LDLRAD3: variants seen among roughly 807,000 people sequenced by gnomAD.
The protein encoded by LDLRAD3 is low density lipoprotein receptor class A domain containing 3, also known as low-density lipoprotein receptor class A domain-containing protein 3.
In LDLRAD3, 20 loss-of-function variants were observed where a neutral mutation model predicts 29.4. That is an observed-to-expected ratio of 0.68 (90% CI 0.48 to 0.99). LDLRAD3 has a LOEUF of 0.99. Among genes scored for constraint, LDLRAD3 ranks in the 50% least tolerant of loss-of-function variants. The pLI is 0.00. For missense variants in LDLRAD3, 420 were observed against 454.3 expected, an observed-to-expected ratio of 0.92 and a Z score of 0.69; for synonymous variants, 157 against 192.7, an observed-to-expected ratio of 0.81 and a Z score of 1.53.
intron 4 of LDLRAD3, among the ~76,000 whole-genome samples, chr11:36,170,038 G>A (rs1219122280): frequency 6.6e-6 from 1 of 151,658 alleles, no homozygotes; most frequent in Non-Finnish European, 1.5e-5. Flanking sequence ...TCCCTCTCTG[G>A]ATCCCCAGAG....
intron 2 of LDLRAD3, among the ~76,000 whole-genome samples, chr11:36,068,446 G>A (rs1852833468): frequency 6.6e-6 from 1 of 152,148 alleles, no homozygotes; most frequent in Non-Finnish European, 1.5e-5. Flanking sequence ...GGACGCTGAG[G>A]CTGAGGGAAG....
chr11:36,095,677 A>G (rs1319091834), intron 3 of LDLRAD3, among the ~76,000 whole-genome samples: 1 of 152,210 alleles, frequency 6.6e-6, no homozygotes, highest in Non-Finnish European at 1.5e-5. Flanking sequence ...TGAGAGGTTG[A>G]AAGGGTCTAA....
rs1851028710 is a variant in LDLRAD3, at chr11:35,944,357, CG to C, written c.46+216del. ...CGTCCTATTGTGTGGGCGTGCGCGCCGGGTCGTGTTGTGCTGTGTGCGCGGG... is the reference window on the plus strand; with the variant it reads ...CGTCCTATTGTGTGGGCGTGCGCGCCGGTCGTGTTGTGCTGTGTGCGCGGG... On this transcript the variant is annotated intron_variant, in intron 1 of 5. Coordinates refer to ENST00000315571, the MANE Select transcript of LDLRAD3 (RefSeq NM_174902.4). This position sits in a 1 kb window ranked among gnomAD's most constrained non-coding sequence, Gnocchi z 4.9. 6.6e-6 allele frequency among the ~76,000 whole-genome samples: 1 copy of C among 151,846 alleles called. No individual in the cohort carries two copies. The highest frequency in any genetic ancestry group is 2.4e-5 in the African/African-American group (1 of 41,388).
At chr11:36,106,644 G>A (rs1853532785) in intron 4 of LDLRAD3, among the ~76,000 whole-genome samples, 1 of 152,158 alleles carries the variant, frequency 6.6e-6, no homozygotes, top group Admixed American at 6.5e-5. Context: ...TCCTGCATCC[G>A]TGATGACCAG....
intron 4 of LDLRAD3, among the ~76,000 whole-genome samples, chr11:36,122,165 G>A (rs923103531): frequency 6.6e-6 from 1 of 152,108 alleles, no homozygotes; most frequent in African/African-American, 2.4e-5. Context: ...TTTACCTGAG[G>A]TTCTTAGTTT....
At chr11:36,220,781 G>C (rs1855416054) in intron 4 of LDLRAD3, among the ~76,000 whole-genome samples, 1 of 152,122 alleles carries the variant, frequency 6.6e-6, no homozygotes, top group African/African-American at 2.4e-5. Context: ...CCTTTCGTGG[G>C]GATGGAAAGG....
At chr11:35,971,280 T>G (rs1346563178) in intron 1 of LDLRAD3, among the ~76,000 whole-genome samples, 5 of 152,084 alleles carry the variant, frequency 3.3e-5, no homozygotes, top group African/African-American at 4.8e-5. Context: ...AGTGAAAGAT[T>G]TTATTGAGGG....
intron 1 of LDLRAD3, among the ~76,000 whole-genome samples, chr11:35,978,777 A>G (rs895993503): frequency 1.2e-4 from 18 of 152,224 alleles, no homozygotes; most frequent in Non-Finnish European, 2.5e-4. Context: ...AAACACCTGC[A>G]TTCAGAGTTG....
chr11:36,158,105 CTA>C (rs1854380841), intron 4 of LDLRAD3, among the ~76,000 whole-genome samples: 1 of 152,158 alleles, frequency 6.6e-6, no homozygotes, highest in Admixed American at 6.5e-5. Context: ...CCCTGACCCA[CTA>C]TGTTAGTTTC....
At chr11:36,022,746 G>A (rs1852113495) in intron 1 of LDLRAD3, among the ~76,000 whole-genome samples, 2 of 152,172 alleles carry the variant, frequency 1.3e-5, no homozygotes, top group East Asian at 3.8e-4. Context: ...TTTCTGGAAG[G>A]TCATAAGCTA....
At chr11:36,137,512 T>G (rs529624848) in intron 4 of LDLRAD3, among the ~76,000 whole-genome samples, 1 of 152,328 alleles carries the variant, frequency 6.6e-6, no homozygotes, top group South Asian at 2.1e-4. Flanking sequence ...GCAGTCCTAA[T>G]GGAAACAGTG....
intron 2 of LDLRAD3, among the ~76,000 whole-genome samples, chr11:36,046,730 G>A (rs1289010553): frequency 1.3e-5 from 2 of 152,134 alleles, no homozygotes; most frequent in African/African-American, 4.8e-5. Context: ...GGAGGCCTTT[G>A]CAAACTTAGC....
intron 4 of LDLRAD3, among the ~76,000 whole-genome samples, chr11:36,118,512 TGA>T (rs61505915): frequency 2.0e-5 from 3 of 148,560 alleles, no homozygotes; most frequent in African/African-American, 7.4e-5. Context: ...TGTGTGTGTG[TGA>T]GAGAGAGAGA....
At chr11:36,017,277 CT>C (rs1301734511) in intron 1 of LDLRAD3, among the ~76,000 whole-genome samples, 1 of 152,182 alleles carries the variant, frequency 6.6e-6, no homozygotes. Flanking sequence ...TCTGGTGAAG[CT>C]TTCTGGGGCA....
intron 4 of LDLRAD3, among the ~76,000 whole-genome samples, chr11:36,164,268 C>T (rs1854484888): frequency 6.6e-6 from 1 of 152,246 alleles, no homozygotes; most frequent in African/African-American, 2.4e-5. Flanking sequence ...AAGCTGCCTG[C>T]TGCTGATGCT....
rs114140540 is a variant in LDLRAD3 at position 35,973,222 on chromosome 11, A to T, written c.46+29078A>T. ...TTTACTTACTAAATATATTTCAGAGATCTCTCTTTCAGAATGGAAAGATTC... is the reference window on the plus strand; with the variant it reads ...TTTACTTACTAAATATATTTCAGAGTTCTCTCTTTCAGAATGGAAAGATTC... On this transcript the variant is annotated intron_variant, in intron 1 of 5. Transcript: ENST00000315571. Among the ~76,000 whole-genome samples the T allele has an allele frequency of 3.9e-3, 585 of 151,862 alleles. 4 individuals are homozygous for T. Among genetic ancestry groups the T allele is most frequent in the African/African-American group, 0.014 (569 of 41,368 alleles).
At chr11:36,167,745 T>C (rs1854536014) in intron 4 of LDLRAD3, among the ~76,000 whole-genome samples, 1 of 152,232 alleles carries the variant, frequency 6.6e-6, no homozygotes, top group Non-Finnish European at 1.5e-5. Flanking sequence ...TACATTTCTA[T>C]TGTTTTCATG....
chr11:35,999,441 G>T (rs1331565216), intron 1 of LDLRAD3, among the ~76,000 whole-genome samples: 2 of 152,112 alleles, frequency 1.3e-5, no homozygotes, highest in African/African-American at 4.8e-5. Context: ...CAGGGGCCTG[G>T]CTGCAGCCAC....
At chr11:35,980,491 G>T (rs77008283) in intron 1 of LDLRAD3, among the ~76,000 whole-genome samples, 4,727 of 152,258 alleles carry the variant, frequency 0.031, 266 homozygotes, top group African/African-American at 0.11. Flanking sequence ...GAAGGTTAAT[G>T]AGTGTATGTG....
Sources: allele counts gnomAD v4.1 joint callset (sites outside exome capture counted in the v4.1 genomes callset), GRCh38; gene constraint gnomAD v4.1.1; non-coding constraint Gnocchi (gnomAD v3.1); transcripts MANE v1.5; gene names NCBI Gene and HGNC (gene_info 2026-07-23, HGNC 2026-07-21).